Variants in TEK observed in about 807,000 individuals in gnomAD.
TEK encodes angiopoietin-1 receptor.
Under a neutral mutation model 131.8 loss-of-function variants are expected in TEK, and 43 were observed. The observed-to-expected ratio is 0.33, with a 90% CI of 0.26 to 0.42. The LOEUF (loss-of-function observed/expected upper bound fraction) is 0.42, where lower values mean the gene tolerates loss of function less well. Among genes scored for constraint, TEK ranks in the 10% least tolerant of loss-of-function variants. The pLI is 1.00. For missense variants in TEK, 1,162 were observed against 1,384.4 expected (o/e 0.84, Z 2.55); for synonymous variants, 580 against 491.6 (o/e 1.18, Z -2.38).
At chr9:27,171,357 T>C (rs1043233674) in intron 4 of TEK, among the ~76,000 whole-genome samples, 1 of 152,208 alleles carries the variant, frequency 6.6e-6, no homozygotes, top group African/African-American at 2.4e-5. Context: ...TGTTCCCCCA[T>C]TCATTTACCA....
At chr9:27,223,950 A>G (rs1412489630) in intron 21 of TEK, among the ~76,000 whole-genome samples, 2 of 152,238 alleles carry the variant, frequency 1.3e-5, no homozygotes, top group South Asian at 2.1e-4. Flanking sequence ...TCCCACAGAA[A>G]TACAAACTAC....
intron 1 of TEK, among the ~76,000 whole-genome samples, chr9:27,135,863 C>A (rs933986756): frequency 2.6e-5 from 4 of 152,126 alleles, no homozygotes; most frequent in Admixed American, 6.5e-5. Flanking sequence ...GATGAAGGTG[C>A]TAATATAAAT....
rs199868545 is a variant in TEK, at chr9:27,206,542, A to G, written c.2365-40A>G. 2.4e-5 allele frequency: 38 copies of G among 1,592,260 alleles called. No homozygotes were observed. In the East Asian group the frequency reaches 8.0e-4, roughly 33 times the overall value. Reference sequence around the variant, plus strand: ...GACATTATGCCCCTTAGAATTATGAAAAATCCTGACACAAAATGATGAAAT... The same window carrying G: ...GACATTATGCCCCTTAGAATTATGAGAAATCCTGACACAAAATGATGAAAT... On this transcript the variant is annotated intron_variant, in intron 14 of 22. Coordinates refer to ENST00000380036, the MANE Select transcript of TEK (RefSeq NM_000459.5).
chr9:27,205,336 C>T (rs964342800), intron 14 of TEK, among the ~76,000 whole-genome samples: 1 of 152,128 alleles, frequency 6.6e-6, no homozygotes, highest in African/African-American at 2.4e-5. Context: ...TGAAATGAGA[C>T]ATATGGTCAT....
At chr9:27,221,969 A>G (rs62542575) in intron 21 of TEK, among the ~76,000 whole-genome samples, 387 of 152,330 alleles carry the variant, frequency 2.5e-3, no homozygotes, top group Non-Finnish European at 4.6e-3. Context: ...TTCTAACCCA[A>G]TGCAAGGAAG....
intron 10 of TEK, among the ~76,000 whole-genome samples, 168 bp from the exon 11 acceptor site, chr9:27,192,321 T>C (rs1824850816): frequency 6.6e-6 from 1 of 152,198 alleles, no homozygotes; most frequent in South Asian, 2.1e-4. Context: ...AAGCCTAATT[T>C]TCCTCATATT....
At chr9:27,180,632 G>A (rs1329152108) in intron 7 of TEK, among the ~76,000 whole-genome samples, 5 of 152,174 alleles carry the variant, frequency 3.3e-5, no homozygotes, top group Non-Finnish European at 5.9e-5. Flanking sequence ...CCAGCTGAGA[G>A]CTCTCCTACC....
intron 11 of TEK, among the ~76,000 whole-genome samples, chr9:27,196,925 C>T (rs1220284778): frequency 6.6e-6 from 1 of 151,786 alleles, no homozygotes; most frequent in Non-Finnish European, 1.5e-5. Flanking sequence ...AGGTTAGTTA[C>T]ATATGTATAC....
chr9:27,197,873 G>A (rs927566137), intron 12 of TEK, among the ~76,000 whole-genome samples: 2 of 152,214 alleles, frequency 1.3e-5, no homozygotes, highest in Middle Eastern at 3.4e-3. Context: ...AGTTTTTCTA[G>A]GGCTTGTTGA....
At chr9:27,176,494 C>A (rs1824178305) in intron 6 of TEK, among the ~76,000 whole-genome samples, 2 of 152,188 alleles carry the variant, frequency 1.3e-5, no homozygotes, top group South Asian at 4.1e-4. Context: ...AGTTCTTAAC[C>A]TTTCTACCAT....
At chr9:27,139,367 G>A (rs1391051940) in intron 1 of TEK, among the ~76,000 whole-genome samples, 4 of 103,170 alleles carry the variant, frequency 3.9e-5, no homozygotes, top group Non-Finnish European at 5.3e-5. Flanking sequence ...TCACTCTGTC[G>A]CCCAGGCTGG....
intron 21 of TEK, among the ~76,000 whole-genome samples, chr9:27,225,953 T>C (rs4878365): frequency 0.5 from 75,774 of 152,076 alleles, 19,060 homozygotes; most frequent in Admixed American, 0.59. Context: ...CAAAAGAAGA[T>C]ATTTATGCAG....
intron 1 of TEK, among the ~76,000 whole-genome samples, chr9:27,111,491 C>G (rs896812365): frequency 6.6e-6 from 1 of 151,574 alleles, no homozygotes; most frequent in African/African-American, 2.4e-5. Context: ...CTCTCTAGTC[C>G]AGTGGGTTGT....
Position 27,183,447 on chromosome 9 carries a change from T to A in TEK, c.1031-12T>A. Reference sequence around the variant, plus strand: ...AAATATTAGATTTCACAGTGCTGTTTTCTTCCTTCAGGCATACAGAGGATG... The same window carrying A: ...AAATATTAGATTTCACAGTGCTGTTATCTTCCTTCAGGCATACAGAGGATG... On this transcript the variant is annotated splice_polypyrimidine_tract_variant and intron_variant, in intron 7 of 22. Transcript: ENST00000380036. 1 of 1,613,552 alleles carries A rather than the reference T, an allele frequency of 6.2e-7. No individual in the cohort carries two copies. Among genetic ancestry groups the A allele is most frequent in the Non-Finnish European group, 8.5e-7 (1 of 1,179,564 alleles).
chr9:27,124,709 AG>A (rs1380229077), intron 1 of TEK, among the ~76,000 whole-genome samples: 1 of 152,262 alleles, frequency 6.6e-6, no homozygotes, highest in African/African-American at 2.4e-5. Flanking sequence ...GCAGCATGAT[AG>A]TACCTACCTC....
intron 9 of TEK, among the ~76,000 whole-genome samples, chr9:27,188,876 T>A (rs1476514560): frequency 6.6e-6 from 1 of 151,934 alleles, no homozygotes; most frequent in Non-Finnish European, 1.5e-5. Context: ...AAATGCTGAG[T>A]GTCTTGGAGA....
intron 18 of TEK, among the ~76,000 whole-genome samples, chr9:27,216,174 G>A (rs1369545484): frequency 4.6e-5 from 7 of 152,240 alleles, no homozygotes; most frequent in African/African-American, 1.4e-4. Flanking sequence ...GGACATTAAA[G>A]AATTTTAAGG....
intron 1 of TEK, among the ~76,000 whole-genome samples, chr9:27,139,655 T>C (rs1207604299): frequency 2.0e-5 from 3 of 152,048 alleles, no homozygotes; most frequent in Non-Finnish European, 4.4e-5. Context: ...AAGTTGGTTT[T>C]CTTTTTTTTT....
chr9:27,190,434 G>T, intron 9 of TEK, 95 bp from the exon 10 acceptor site: 1 of 1,487,154 alleles, frequency 6.7e-7, no homozygotes. Flanking sequence ...AGAGGACTTT[G>T]TTGGACATGT....
Sources: gnomAD v4.1 joint callset for allele counts (sites outside exome capture counted in the v4.1 genomes callset) on GRCh38, gnomAD v4.1.1 for gene constraint, MANE v1.5 for transcripts, NCBI Gene and HGNC (gene_info 2026-07-23, HGNC 2026-07-21) for gene names.